GABRA3: variants seen among roughly 807,000 people sequenced by gnomAD.
GABRA3 encodes gamma-aminobutyric acid type A receptor subunit alpha3.
GABRA3 carries 10 observed loss-of-function variants against 30.1 expected under a neutral mutation model. The ratio of observed to expected loss-of-function variants is 0.33; its 90% CI spans 0.20 to 0.56. The LOEUF (loss-of-function observed/expected upper bound fraction) is 0.56, where lower values mean the gene tolerates loss of function less well. Ranked by LOEUF, GABRA3 falls within the 20% of genes least tolerant of loss-of-function variation. GABRA3 has a pLI of 0.89. For missense variants in GABRA3, 233 were observed against 392.0 expected (o/e 0.59, Z 3.42); for synonymous variants, 151 against 146.8 (o/e 1.03, Z -0.21).
intron 2 of GABRA3, among the ~76,000 whole-genome samples, chrX:152,364,081 T>A (rs1928583553): frequency 1.8e-5 from 2 of 110,616 alleles, no homozygotes; most frequent in African/African-American, 6.6e-5. Context: ...TTAAGATGAG[T>A]GATTCCTAAA....
chrX:152,187,352 T>C (rs1396858049), intron 9 of GABRA3: 1 of 111,662 alleles, frequency 9.0e-6, no homozygotes, highest in Non-Finnish European at 1.9e-5. Flanking sequence ...AGGTCAAGGA[T>C]AGTGTCCCAA....
chrX:152,315,682 C>A (rs1939862641), intron 3 of GABRA3, among the ~76,000 whole-genome samples: 2 of 111,001 alleles, frequency 1.8e-5, no homozygotes, highest in African/African-American at 6.6e-5. Context: ...TGAGACTGGC[C>A]TGTTGGGTTG....
intron 4 of GABRA3, among the ~76,000 whole-genome samples, chrX:152,279,170 T>C (rs1345744142): frequency 1.8e-5 from 2 of 111,681 alleles, no homozygotes; most frequent in Non-Finnish European, 1.9e-5. Context: ...GTGTTTTAGA[T>C]ATGAAGTCTT....
intron 2 of GABRA3, among the ~76,000 whole-genome samples, chrX:152,356,319 T>C (rs1435126463): frequency 8.9e-6 from 1 of 112,180 alleles, no homozygotes; most frequent in Non-Finnish European, 1.9e-5. Flanking sequence ...CTGTTGATTG[T>C]TAAAATGGCT....
At chrX:152,271,980 C>A (rs1053079062) in intron 4 of GABRA3, among the ~76,000 whole-genome samples, 5 of 111,992 alleles carry the variant, frequency 4.5e-5, no homozygotes, top group African/African-American at 1.6e-4. Context: ...ATGGAAACTC[C>A]TGGATGTCCA....
At chrX:152,247,834 A>C (rs1181285480) in intron 5 of GABRA3, among the ~76,000 whole-genome samples, 2 of 111,308 alleles carry the variant, frequency 1.8e-5, no homozygotes, top group Non-Finnish European at 3.8e-5. Context: ...CATGTGAAGC[A>C]ACTAGCACAA....
At chrX:152,241,513 T>A (rs1221166431) in intron 5 of GABRA3, among the ~76,000 whole-genome samples, 1 of 107,534 alleles carries the variant, frequency 9.3e-6, no homozygotes, top group Non-Finnish European at 2.0e-5. Flanking sequence ...CAGGCCTCCT[T>A]GAGCTGTGGT....
At chrX:152,183,337 G>A (rs899892354) in intron 9 of GABRA3, among the ~76,000 whole-genome samples, 1 of 110,418 alleles carries the variant, frequency 9.1e-6, no homozygotes, top group African/African-American at 3.3e-5. Flanking sequence ...TTATCAGTTT[G>A]TTGGCATACA....
chrX:152,387,722 A>G (rs1569414982), intron 1 of GABRA3, among the ~76,000 whole-genome samples: 2 of 112,024 alleles, frequency 1.8e-5, no homozygotes, highest in Admixed American at 9.5e-5. Context: ...AAGAAATGCA[A>G]TTAAAGCAAC....
chrX:152,286,243 G>C (rs190997483), intron 3 of GABRA3, among the ~76,000 whole-genome samples: 3 of 106,381 alleles, frequency 2.8e-5, no homozygotes, highest in African/African-American at 1.1e-4. Flanking sequence ...TTCCACTACT[G>C]AGTTTTTCTT....
At chrX:152,428,149 G>C (rs1027632200) in intron 1 of GABRA3, among the ~76,000 whole-genome samples, 2 of 112,237 alleles carry the variant, frequency 1.8e-5, no homozygotes, top group Admixed American at 1.9e-4. Context: ...ACCAAGGAAG[G>C]AGAGACACCC....
At chrX:152,284,775 G>A in intron 3 of GABRA3, 40 bp from the exon 4 acceptor site, 2 of 1,013,363 alleles carry the variant, frequency 2.0e-6, no homozygotes, top group Non-Finnish European at 2.7e-6. Flanking sequence ...GTCAGGAAAG[G>A]CTTTTGTCTT....
At chrX:152,346,058 G>A (rs991457595) in intron 2 of GABRA3, among the ~76,000 whole-genome samples, 17 of 111,512 alleles carry the variant, frequency 1.5e-4, no homozygotes, top group Admixed American at 1.3e-3. Context: ...GATTAAACAG[G>A]CATCAAAATA....
At chrX:152,260,336 C>T (rs1938708458) in intron 4 of GABRA3, among the ~76,000 whole-genome samples, 1 of 111,560 alleles carries the variant, frequency 9.0e-6, no homozygotes, top group African/African-American at 3.3e-5. Context: ...AGGACACAGG[C>T]CTGGCTGGCT....
intron 7 of GABRA3, among the ~76,000 whole-genome samples, chrX:152,202,721 G>T (rs1303500018): frequency 3.6e-5 from 4 of 112,120 alleles, no homozygotes; most frequent in Non-Finnish European, 7.5e-5. Flanking sequence ...TTCACTCGTG[G>T]ATACTGGTAC....
chrX:152,420,401 CTG>C (rs1466530467), intron 1 of GABRA3, among the ~76,000 whole-genome samples: 1 of 111,243 alleles, frequency 9.0e-6, no homozygotes, highest in Non-Finnish European at 1.9e-5. Context: ...ATCAGTAACT[CTG>C]AGCACAAGAT....
chrX:152,189,874 T>C lies in GABRA3; in HGVS notation c.999A>G (p.Ala333=), dbSNP rs1183675183. 4 of 1,210,093 alleles carry C rather than the reference T, an allele frequency of 3.3e-6. No homozygotes were observed. Among genetic ancestry groups the C allele is most frequent in the Non-Finnish European group, 4.5e-6 (4 of 894,714 alleles). Residue 333 remains alanine (A), a synonymous_variant, in exon 9 of 10, where the codon GCA becomes GCG. Coordinates refer to ENST00000370314, the MANE Select transcript of GABRA3 (RefSeq NM_000808.4). ...ISARNSLPKV[A]YATAMDWFIA... ...TGAACCAGTCCATGGCCGTCGCATA[T>C]GCCACTTTAGGTAAGGAATTTCTGG...
At chrX:152,224,958 C>G (rs1272763031) in intron 5 of GABRA3, 113 bp from the exon 6 acceptor site, 1 of 486,277 alleles carries the variant, frequency 2.1e-6, no homozygotes, top group Non-Finnish European at 3.5e-6. Flanking sequence ...TGTTTAAGTT[C>G]ACTGAGATTC....
intron 3 of GABRA3, among the ~76,000 whole-genome samples, chrX:152,326,683 C>G (rs373295538): frequency 1.8e-5 from 2 of 111,355 alleles, no homozygotes; most frequent in African/African-American, 6.5e-5. Flanking sequence ...CAGGCCTGCC[C>G]TAAAAGAGCT....
Sources: allele counts gnomAD v4.1 joint callset (sites outside exome capture counted in the v4.1 genomes callset), GRCh38; gene constraint gnomAD v4.1.1; transcripts MANE v1.5; gene names NCBI Gene and HGNC (gene_info 2026-07-23, HGNC 2026-07-21).